The following RHOT1 variants were observed in gnomAD, a reference collection of about 807,000 sequenced individuals.
RHOT1 encodes ras homolog family member T1.
In RHOT1, 27 loss-of-function variants were observed where a neutral mutation model predicts 95.3. The ratio of observed to expected loss-of-function variants is 0.28; its 90% CI spans 0.21 to 0.39. RHOT1 has a LOEUF of 0.39. RHOT1 is among the 10% of genes least tolerant of loss of function. RHOT1 has a pLI of 1.00. For missense variants in RHOT1, 578 were observed against 786.7 expected (o/e 0.73, Z 3.17); for synonymous variants, 227 against 263.5 (o/e 0.86, Z 1.34).
In RHOT1 at chr17:32,142,720, G is replaced by T; in HGVS notation, c.28G>T (p.Val10Leu). ...GAAGAAAGACGTGCGGATCCTGCTG[G>T]TGGGAGAACGTGAGTCCGCACCCTC... is the stretch of plus-strand genomic sequence containing the variant. MKKDVRILLVGEPRVGKTSL... is the reference protein window; with the variant it reads MKKDVRILLLGEPRVGKTSL... Residue 10 changes from valine to leucine, a missense_variant, in exon 1 of 20, where the codon GTG becomes TTG. Val to Leu is a conservative substitution (Grantham distance 32, BLOSUM62 1). Around this residue, in one of 4 missense-constraint regions of RHOT1, gnomAD observed 51 missense variants for 114.7 expected, o/e 0.44. Coordinates refer to ENST00000545287, the MANE Select transcript of RHOT1 (RefSeq NM_001033566.3). 1 of 1,523,254 alleles carries T rather than the reference G, an allele frequency of 6.6e-7. No individual in the cohort carries two copies. Among genetic ancestry groups the T allele is most frequent in the Admixed American group, 2.1e-5 (1 of 46,858 alleles). The allele number at this position is 1,523,254 out of a possible 1,614,324, so 94.4% of individuals were successfully genotyped here.
chr17:32,219,455 T>C (rs1267447959), intron 19 of RHOT1, among the ~76,000 whole-genome samples: 1 of 152,220 alleles, frequency 6.6e-6, no homozygotes, highest in African/African-American at 2.4e-5. Context: ...CACCTTAAGT[T>C]GCAGAATTAA....
chr17:32,198,070 A>AT (rs762435008), intron 11 of RHOT1, among the ~76,000 whole-genome samples: 2 of 151,112 alleles, frequency 1.3e-5, no homozygotes, highest in Admixed American at 6.6e-5. Flanking sequence ...AATTTGTAAA[A>AT]TTTTTTGTAG....
chr17:32,221,922 G>T (rs2142971259), intron 19 of RHOT1, among the ~76,000 whole-genome samples: 1 of 152,252 alleles, frequency 6.6e-6, no homozygotes, highest in Middle Eastern at 3.4e-3. Flanking sequence ...ACAACATAGT[G>T]AGACTTCATC....
At chr17:32,155,570 T>G (rs1270382894) in intron 1 of RHOT1, among the ~76,000 whole-genome samples, 1 of 150,222 alleles carries the variant, frequency 6.7e-6, no homozygotes, top group Admixed American at 6.7e-5. Flanking sequence ...TGAGACAAGG[T>G]CTCACTCTGT....
At chr17:32,203,664 T>G (rs1598433111) in intron 15 of RHOT1, among the ~76,000 whole-genome samples, 1 of 152,344 alleles carries the variant, frequency 6.6e-6, no homozygotes, top group South Asian at 2.1e-4. Context: ...GTTTCCTTCC[T>G]TTTTAGCTAC....
intron 11 of RHOT1, among the ~76,000 whole-genome samples, chr17:32,195,625 C>CT (rs1408925373): frequency 9.9e-5 from 15 of 152,118 alleles, no homozygotes; most frequent in African/African-American, 3.6e-4. Flanking sequence ...TCATAGTGCT[C>CT]TTTTATTTTA....
At chr17:32,214,733 G>A (rs190908370) in intron 19 of RHOT1, among the ~76,000 whole-genome samples, 46 of 150,576 alleles carry the variant, frequency 3.1e-4, no homozygotes, top group African/African-American at 1.2e-3. Flanking sequence ...AAAAAAGATT[G>A]ATTGACTAAG....
At chr17:32,161,332 G>A (rs944055375) in intron 1 of RHOT1, among the ~76,000 whole-genome samples, 1 of 152,190 alleles carries the variant, frequency 6.6e-6, no homozygotes, top group Non-Finnish European at 1.5e-5. Flanking sequence ...GTGGGTTCCG[G>A]TAGAGTCAGT....
chr17:32,183,929 G>A (rs1028897782), intron 8 of RHOT1, among the ~76,000 whole-genome samples: 9 of 152,076 alleles, frequency 5.9e-5, no homozygotes, highest in Non-Finnish European at 1.0e-4. Flanking sequence ...CAAGTGATCC[G>A]CCTGCCTGGG....
intron 1 of RHOT1, chr17:32,150,297 T>G (rs531076966): frequency 4.0e-6 from 1 of 251,596 alleles, no homozygotes; most frequent in South Asian, 1.6e-4. Flanking sequence ...TGCTATTTTT[T>G]TTCCATAAAT....
chr17:32,202,636 T>C, intron 14 of RHOT1, 134 bp from the exon 15 acceptor site: 1 of 634,206 alleles, frequency 1.6e-6, no homozygotes, highest in Non-Finnish European at 2.7e-6. Flanking sequence ...TGTTGTACAA[T>C]ATGTTTGTTT....
intron 1 of RHOT1, 27 bp downstream of exon 1, chr17:32,142,756 C>G: frequency 6.7e-7 from 1 of 1,495,810 alleles, no homozygotes. Context: ...TGGCCGGCCC[C>G]TGAGTCCCTG....
At chr17:32,147,622 C>T (rs917697670) in intron 1 of RHOT1, among the ~76,000 whole-genome samples, 5 of 151,952 alleles carry the variant, frequency 3.3e-5, no homozygotes, top group Non-Finnish European at 7.4e-5. Flanking sequence ...GAGTTCGACA[C>T]CAGCCTGACT....
intron 11 of RHOT1, among the ~76,000 whole-genome samples, chr17:32,197,102 G>T (rs563831215): frequency 1.3e-5 from 2 of 151,418 alleles, no homozygotes; most frequent in African/African-American, 4.9e-5. Context: ...CAGCCCTGGC[G>T]ACAGAGTGAG....
chr17:32,142,729 C>A lies in RHOT1; in HGVS notation c.37C>A (p.Pro13Thr), dbSNP rs770426255. The change falls in exon 1 of 20, where the codon CCT becomes ACT. Residue 13 changes from proline to threonine, a missense_variant and splice_region_variant. Coordinates refer to ENST00000545287, the MANE Select transcript of RHOT1 (RefSeq NM_001033566.3). ...CGTGCGGATCCTGCTGGTGGGAGAA[C>A]GTGAGTCCGCACCCTCTGGCCGGCC... ...KDVRILLVGE[P>T]RVGKTSLIMS... The A allele has an allele frequency of 2.0e-6, 3 of 1,518,948 alleles. No individual in the cohort carries two copies. Among genetic ancestry groups the A allele is most frequent in the South Asian group, 2.5e-5 (2 of 79,186 alleles). The allele number at this position is 1,518,948 out of a possible 1,614,324, so 94.1% of individuals were successfully genotyped here. A position where few individuals can be genotyped will look rare whatever the true frequency, so the allele number is the denominator to read the frequency against.
At chr17:32,175,537 A>G (rs569767197) in intron 4 of RHOT1, among the ~76,000 whole-genome samples, 175 bp downstream of exon 4, 74 of 151,874 alleles carry the variant, frequency 4.9e-4, no homozygotes, top group African/African-American at 1.7e-3. Context: ...CCTTATCGCA[A>G]CCTCCATCTC....
chr17:32,193,394 G>T, intron 10 of RHOT1, 150 bp downstream of exon 10: 1 of 637,062 alleles, frequency 1.6e-6, no homozygotes, highest in Non-Finnish European at 2.8e-6. Context: ...TATGAGTTGG[G>T]AGGGACAGGC....
At chr17:32,194,693 C>A (rs2036734833) in intron 11 of RHOT1, among the ~76,000 whole-genome samples, 1 of 151,896 alleles carries the variant, frequency 6.6e-6, no homozygotes, top group Non-Finnish European at 1.5e-5. Context: ...TTTTGGGAGT[C>A]AAGAGATCTC....
intron 16 of RHOT1, among the ~76,000 whole-genome samples, chr17:32,206,639 T>G (rs1358784420): frequency 2.0e-5 from 3 of 151,526 alleles, no homozygotes; most frequent in African/African-American, 7.3e-5. Context: ...ATTTTTAGTA[T>G]AGGCAGGGTT....
Sources: allele counts gnomAD v4.1 joint callset (sites outside exome capture counted in the v4.1 genomes callset), GRCh38; gene constraint gnomAD v4.1.1; regional missense constraint gnomAD v4.1.1; transcripts MANE v1.5; gene names NCBI Gene and HGNC (gene_info 2026-07-23, HGNC 2026-07-21).